The following CSMD1 variants were observed in gnomAD, a reference collection of about 807,000 sequenced individuals.
CSMD1 encodes the protein CUB and sushi domain-containing protein 1.
Under a neutral mutation model 417.5 loss-of-function variants are expected in CSMD1, and 213 were observed. That is an observed-to-expected ratio of 0.51 (90% CI 0.46 to 0.57). CSMD1 has a LOEUF of 0.57. CSMD1 is among the 20% of genes least tolerant of loss of function. The pLI is 0.00. For synonymous variants in CSMD1, 2,862 were observed against 1,736.8 expected, an observed-to-expected ratio of 1.65 and a Z score of -16.11; for missense variants, 6,923 against 4,529.7, an observed-to-expected ratio of 1.53 and a Z score of -15.17.
At chr8:3,626,498 A>G (rs1388159035) in intron 7 of CSMD1, among the ~76,000 whole-genome samples, 1 of 152,108 alleles carries the variant, frequency 6.6e-6, no homozygotes, top group Non-Finnish European at 1.5e-5. Context: ...TTAGAAACAT[A>G]TATAGTTATA....
intron 7 of CSMD1, among the ~76,000 whole-genome samples, chr8:3,647,321 G>C (rs996485730): frequency 2.0e-5 from 3 of 152,162 alleles, no homozygotes; most frequent in Non-Finnish European, 2.9e-5. Flanking sequence ...TGTATCCTTG[G>C]CCAGGAGAGA....
At chr8:3,915,599 C>G (rs1808763408) in intron 5 of CSMD1, among the ~76,000 whole-genome samples, 5 of 151,034 alleles carry the variant, frequency 3.3e-5, no homozygotes, top group Admixed American at 2.6e-4. Flanking sequence ...GGGATTATTA[C>G]TGAAATACTT....
intron 1 of CSMD1, among the ~76,000 whole-genome samples, chr8:4,759,047 G>A (rs1479744191): frequency 3.9e-5 from 6 of 152,192 alleles, no homozygotes; most frequent in African/African-American, 1.4e-4. Context: ...TGGAGTTGAT[G>A]TGCAGAAAAG....
intron 1 of CSMD1, among the ~76,000 whole-genome samples, chr8:4,757,631 G>T (rs1811750032): frequency 6.6e-6 from 1 of 152,092 alleles, no homozygotes; most frequent in South Asian, 2.1e-4. Flanking sequence ...GCTCTCTTCA[G>T]CTTTTATGAA....
chr8:4,633,408 A>G (rs919164624), intron 2 of CSMD1, among the ~76,000 whole-genome samples: 3 of 151,506 alleles, frequency 2.0e-5, no homozygotes, highest in South Asian at 2.1e-4. Flanking sequence ...CACCACGCCC[A>G]GCTAATTTTT....
chr8:4,916,735 A>G (rs1806090460), intron 1 of CSMD1, among the ~76,000 whole-genome samples: 1 of 152,240 alleles, frequency 6.6e-6, no homozygotes, highest in African/African-American at 2.4e-5. Flanking sequence ...TATCGCAAAG[A>G]ATAAATAGGT....
intron 1 of CSMD1, among the ~76,000 whole-genome samples, chr8:4,655,539 C>CACTGACAT (rs1804179057): frequency 6.6e-6 from 1 of 151,940 alleles, no homozygotes; most frequent in African/African-American, 2.4e-5. Flanking sequence ...TATTTACTTC[C>CACTGACAT]ACTGACATTT....
At chr8:3,552,131 T>G (rs929247315) in intron 10 of CSMD1, among the ~76,000 whole-genome samples, 6 of 152,202 alleles carry the variant, frequency 3.9e-5, no homozygotes, top group Non-Finnish European at 7.4e-5. Flanking sequence ...TGGAGGCACT[T>G]TGAATTCATC....
chr8:4,158,191 T>G (rs1356145106), intron 3 of CSMD1, among the ~76,000 whole-genome samples: 1 of 151,862 alleles, frequency 6.6e-6, no homozygotes, highest in Non-Finnish European at 1.5e-5. Flanking sequence ...TCTCCTTTCC[T>G]AAGCCCAGAC....
rs191492716 is a variant in CSMD1, at chr8:4,541,159, G to T, written c.302+96183C>A. Among the ~76,000 whole-genome samples, 80 of 152,216 alleles carry T rather than the reference G, an allele frequency of 5.3e-4. No individual in the cohort carries two copies. In the Middle Eastern group the frequency reaches 0.01, roughly 19 times the overall value. Reference sequence around the variant, plus strand: ...ACCACCAATTTAAGCCAATAGTGGTGCCAGGGCTCAATTTCATGAATTTCC... The same window carrying T: ...ACCACCAATTTAAGCCAATAGTGGTTCCAGGGCTCAATTTCATGAATTTCC... On this transcript the variant is annotated intron_variant, in intron 2 of 69. Coordinates refer to ENST00000635120, the MANE Select transcript of CSMD1 (RefSeq NM_033225.6).
At chr8:3,917,850 A>C (rs559740618) in intron 5 of CSMD1, among the ~76,000 whole-genome samples, 1 of 152,266 alleles carries the variant, frequency 6.6e-6, no homozygotes, top group South Asian at 2.1e-4. Flanking sequence ...TAAGATCTAC[A>C]TGCTTAGAAA....
intron 50 of CSMD1, among the ~76,000 whole-genome samples, chr8:3,033,116 A>T (rs10112703): frequency 0.54 from 81,731 of 151,782 alleles, 22,464 homozygotes; most frequent in Non-Finnish European, 0.58. Flanking sequence ...AAAAAAATTT[A>T]AAGATATTTT....
At chr8:4,456,432 T>A (rs1159773749) in intron 2 of CSMD1, among the ~76,000 whole-genome samples, 3 of 152,172 alleles carry the variant, frequency 2.0e-5, no homozygotes, top group African/African-American at 7.2e-5. Context: ...AAAGTATTTT[T>A]AATTGCTGTT....
At chr8:3,685,257 C>T (rs547199298) in intron 7 of CSMD1, among the ~76,000 whole-genome samples, 17 of 152,300 alleles carry the variant, frequency 1.1e-4, no homozygotes, top group Admixed American at 5.9e-4. Flanking sequence ...AAAGTTGCCT[C>T]AGGGCTAATT....
intron 33 of CSMD1, among the ~76,000 whole-genome samples, chr8:3,194,986 G>A (rs566887130): frequency 6.6e-6 from 1 of 152,216 alleles, no homozygotes; most frequent in East Asian, 1.9e-4. Flanking sequence ...TGCGGAAGGG[G>A]TTCAATATAG....
chr8:4,006,180 G>A (rs1206023277), intron 4 of CSMD1, among the ~76,000 whole-genome samples: 2 of 152,130 alleles, frequency 1.3e-5, no homozygotes, highest in Admixed American at 6.5e-5. Flanking sequence ...ACATTTTTGG[G>A]TGCATTCTCA....
At chr8:4,027,908 G>A (rs192700202) in intron 4 of CSMD1, among the ~76,000 whole-genome samples, 1 of 152,058 alleles carries the variant, frequency 6.6e-6, no homozygotes, top group Non-Finnish European at 1.5e-5. Flanking sequence ...TTTTCTGAGA[G>A]TGAGAATGTA....
chr8:4,603,664 G>A (rs569542241), intron 2 of CSMD1, among the ~76,000 whole-genome samples: 2 of 151,998 alleles, frequency 1.3e-5, no homozygotes, highest in Non-Finnish European at 2.9e-5. Context: ...AAATGACGTG[G>A]GTTTCTGTCA....
rs201428050 is a variant in CSMD1, at chr8:3,838,997, TATA to T, written c.819-84958_819-84956del. On this transcript the variant is annotated intron_variant, in intron 5 of 69. Transcript: ENST00000635120. The stretch of plus-strand genomic sequence containing the variant: ...TATAATATATTATATATCATATAAT[TATA>T]ATATTATATATTTATATGTTGATAT... Among the ~76,000 whole-genome samples the T allele has an allele frequency of 0.018, 2,284 of 127,088 alleles. 206 individuals carry two copies. In the East Asian group the frequency reaches 0.26, roughly 15 times the overall value. 83.4% of individuals were successfully genotyped at this position (127,088 alleles called of 152,430 possible).
Sources: allele counts gnomAD v4.1 joint callset (sites outside exome capture counted in the v4.1 genomes callset), GRCh38; gene constraint gnomAD v4.1.1; transcripts MANE v1.5; gene names NCBI Gene and HGNC (gene_info 2026-07-23, HGNC 2026-07-21).